The following XBP1 variants were observed in gnomAD, a reference collection of about 807,000 sequenced individuals.
XBP1 encodes the protein X-box-binding protein 1.
Under a neutral mutation model 34.6 loss-of-function variants are expected in XBP1, and 18 were observed. That is an observed-to-expected ratio of 0.52 (90% CI 0.36 to 0.77). The LOEUF (loss-of-function observed/expected upper bound fraction) is 0.77. XBP1 is among the 30% of genes least tolerant of loss of function. The pLI, the probability that XBP1 is intolerant of heterozygous loss-of-function variation, is 0.00. For synonymous variants in XBP1, 191 were observed against 193.4 expected (o/e 0.99, Z 0.11); for missense variants, 422 against 464.6 (o/e 0.91, Z 0.84).
At chr22:28,796,995 T>A in intron 3 of XBP1, 82 bp downstream of exon 3, 1 of 1,504,386 alleles carries the variant, frequency 6.6e-7, no homozygotes, top group Middle Eastern at 1.8e-4. Flanking sequence ...TGATCAGAAG[T>A]CCAGACTGTA....
At chr22:28,798,395 G>A (rs749827319) in intron 2 of XBP1, among the ~76,000 whole-genome samples, 61 of 142,398 alleles carry the variant, frequency 4.3e-4, no homozygotes, top group African/African-American at 1.0e-3. Flanking sequence ...TGCAACCTCC[G>A]CCTCCTGGGT....
intron 1 of XBP1, 157 bp downstream of exon 1, chr22:28,800,140 TG>T: frequency 1.1e-6 from 1 of 875,728 alleles, no homozygotes; most frequent in Non-Finnish European, 1.8e-6. Context: ...CCGGGCTTCC[TG>T]CCCCGCCCCG....
chr22:28,796,044 T>G lies in XBP1; in HGVS notation c.573+3A>C, dbSNP rs1327817993. The G allele has an allele frequency of 6.2e-7, 1 of 1,614,160 alleles. No individual in the cohort carries two copies. Among genetic ancestry groups the G allele is most frequent in the Non-Finnish European group, 8.5e-7 (1 of 1,180,000 alleles). On this transcript the variant is annotated splice_donor_region_variant and intron_variant, in intron 5 of 5. Transcript: ENST00000344347. The stretch of plus-strand genomic sequence containing the variant: ...CTCTTTAATAAGTCAGAATGATCCC[T>G]ACCTCTGAATCTGAAGAGTCAATAC...
At chr22:28,796,686 A>T (rs1444165528) in intron 3 of XBP1, 1 of 175,166 alleles carries the variant, frequency 5.7e-6, no homozygotes, top group Non-Finnish European at 1.2e-5. Flanking sequence ...CACTATTACA[A>T]AGAATCCTTT....
chr22:28,796,096 G>T, exon 5 of XBP1: 1 of 1,614,190 alleles, frequency 6.2e-7, no homozygotes, highest in Non-Finnish European at 8.5e-7. Context: ...GAGATGTTCT[G>T]GAGGGGTGAC....
chr22:28,794,689 C>G (rs1016682341), downstream of XBP1: 8 of 152,544 alleles, frequency 5.2e-5, no homozygotes, highest in African/African-American at 1.9e-4. Context: ...ACAAAAGATT[C>G]TTGATCTTAC....
upstream of XBP1, chr22:28,800,563 G>T (rs753142810): frequency 4.1e-6 from 6 of 1,458,564 alleles, no homozygotes; most frequent in Non-Finnish European, 5.4e-6. Flanking sequence ...CGCCGCAGCC[G>T]CCCAGCGCCC....
rs747045249 is a variant in XBP1 at position 28,796,210 on chromosome 22, A to C, written c.454-18T>G. On this transcript the variant is annotated intron_variant, in intron 3 of 5. Coordinates refer to ENST00000344347, the Ensembl canonical transcript of XBP1. ...TCATTCCCCTGGGAGGAAAGACCAA[A>C]GTGAATAAACAGCTTCAAGTGCCCA... 1 of 1,522,768 alleles carries C rather than the reference A, an allele frequency of 6.6e-7. No individual in the cohort carries two copies. The highest frequency in any genetic ancestry group is 1.3e-5 in the South Asian group (1 of 76,526). The allele number at this position is 1,522,768 out of a possible 1,614,324, so 94.3% of individuals were successfully genotyped here. A position where few individuals can be genotyped will look rare whatever the true frequency, so the allele number is the denominator to read the frequency against.
intron 1 of XBP1, 119 bp downstream of exon 1, chr22:28,800,179 C>T: frequency 8.0e-7 from 1 of 1,248,176 alleles, no homozygotes; most frequent in Non-Finnish European, 1.1e-6. Context: ...CCCGCCAGGC[C>T]AAAGGCGACG....
At chr22:28,797,633 T>C (rs2031774089) in intron 2 of XBP1, among the ~76,000 whole-genome samples, 1 of 151,910 alleles carries the variant, frequency 6.6e-6, no homozygotes, top group Admixed American at 6.6e-5. Flanking sequence ...AATCCAAAAA[T>C]TAGCTGGATG....
chr22:28,798,207 T>C (rs1224692281), intron 2 of XBP1, among the ~76,000 whole-genome samples: 1 of 152,168 alleles, frequency 6.6e-6, no homozygotes, highest in East Asian at 1.9e-4. Context: ...CCATCTACTT[T>C]GAGATACATC....
At chr22:28,798,268 C>A (rs937965220) in intron 2 of XBP1, among the ~76,000 whole-genome samples, 4 of 151,646 alleles carry the variant, frequency 2.6e-5, no homozygotes, top group Non-Finnish European at 4.4e-5. Context: ...CAAGCTTCAC[C>A]ACTTCACCAA....
chr22:28,795,563 T>C (rs528501044), exon 6 of XBP1: 3 of 1,614,164 alleles, frequency 1.9e-6, no homozygotes, highest in South Asian at 1.1e-5. Context: ...ATTAATGGCT[T>C]CCAGCTTGGC....
At chr22:28,797,126 T>C (rs1490252021) in exon 3 of XBP1, 3 of 1,613,068 alleles carry the variant, frequency 1.9e-6, no homozygotes, top group Non-Finnish European at 2.5e-6. Flanking sequence ...CCCCAAGCGC[T>C]GTCTTAACTC....
exon 6 of XBP1, chr22:28,795,295 A>T (rs935529350): frequency 6.4e-7 from 1 of 1,551,986 alleles, no homozygotes; most frequent in Non-Finnish European, 8.7e-7. Flanking sequence ...ATCCACAGTC[A>T]CTGTAAGCAT....
At chr22:28,794,944 C>A, downstream of XBP1, 1 of 387,590 alleles carries the variant, frequency 2.6e-6, no homozygotes, top group Non-Finnish European at 4.5e-6. Context: ...AGCTGTAGTT[C>A]TCAATTATAG....
At chr22:28,800,471 C>T (rs1438934529) in exon 1 of XBP1, 3 of 1,482,948 alleles carry the variant, frequency 2.0e-6, no homozygotes, top group Non-Finnish European at 1.8e-6. Context: ...CCGACAGAAG[C>T]AGAACTTTAG....
At chr22:28,795,184 A>G (rs1309393814) in exon 6 of XBP1, 1 of 1,509,606 alleles carries the variant, frequency 6.6e-7, no homozygotes, top group Admixed American at 2.2e-5. Context: ...CTTAGACACT[A>G]ATCAGCTGGG....
chr22:28,800,176 G>T, intron 1 of XBP1, 122 bp downstream of exon 1: 1 of 1,211,400 alleles, frequency 8.3e-7, no homozygotes, highest in Non-Finnish European at 1.2e-6. Context: ...CGACCCGCCA[G>T]GCCAAAGGCG....
Sources: gnomAD v4.1 joint callset for allele counts (sites outside exome capture counted in the v4.1 genomes callset) on GRCh38, gnomAD v4.1.1 for gene constraint, MANE v1.5 for transcripts, NCBI Gene and HGNC (gene_info 2026-07-23, HGNC 2026-07-21) for gene names.